The following LEF1 variants were observed in gnomAD, a reference collection of about 807,000 sequenced individuals.
LEF1 encodes lymphoid enhancer-binding factor 1.
Under a neutral mutation model 51.2 loss-of-function variants are expected in LEF1, and 14 were observed. That is an observed-to-expected ratio of 0.27 (90% confidence interval 0.18 to 0.43). LEF1 has a LOEUF of 0.43. Among genes scored for constraint, LEF1 ranks in the 20% least tolerant of loss-of-function variants. LEF1 has a pLI of 1.00. For synonymous variants in LEF1, 185 were observed against 183.2 expected (o/e 1.01, Z -0.08); for missense variants, 386 against 512.0 (o/e 0.75, Z 2.37).
intron 3 of LEF1, among the ~76,000 whole-genome samples, chr4:108,147,489 A>C (rs1423604150): frequency 1.3e-5 from 2 of 152,212 alleles, no homozygotes; most frequent in Non-Finnish European, 2.9e-5. Flanking sequence ...CTTAGGAGGA[A>C]ATATTTCTTT....
intron 8 of LEF1, among the ~76,000 whole-genome samples, chr4:108,075,953 C>T (rs1738826215): frequency 6.6e-6 from 1 of 152,226 alleles, no homozygotes; most frequent in South Asian, 2.1e-4. Flanking sequence ...TAGAACAGCT[C>T]TGCTTCTGTC....
In LEF1 at chr4:108,098,323, CGGGGTTGTGGGGGT is replaced by C. The variant is rs1740523527; in HGVS notation, c.415-9080_415-9067del. On this transcript the variant is annotated intron_variant, in intron 3 of 11. Transcript: ENST00000265165. ...GAAATGGACTCTAGATCTCCTGTGG[CGGGGTTGTGGGGGT>C]GGGGTTCGGCAAGCTACAGTCTGCC... Among the ~76,000 whole-genome samples the C allele has an allele frequency of 2.0e-5, 3 of 152,186 alleles. No homozygotes were observed. In the South Asian group the frequency reaches 6.2e-4, roughly 32 times the overall value.
At chr4:108,084,924 G>GT (rs899521093) in intron 4 of LEF1, among the ~76,000 whole-genome samples, 13 of 152,184 alleles carry the variant, frequency 8.5e-5, no homozygotes, top group African/African-American at 2.9e-4. Flanking sequence ...CTCACGGTCT[G>GT]TAAGGGGATG....
intron 3 of LEF1, among the ~76,000 whole-genome samples, chr4:108,133,759 C>T (rs1291993637): frequency 6.6e-6 from 1 of 152,148 alleles, no homozygotes; most frequent in African/African-American, 2.4e-5. Flanking sequence ...TTGATAACAT[C>T]CTTAATAGAT....
At chr4:108,053,671 C>G (rs962537853) in intron 11 of LEF1, among the ~76,000 whole-genome samples, 22 of 152,190 alleles carry the variant, frequency 1.4e-4, no homozygotes, top group African/African-American at 4.8e-4. Flanking sequence ...TCAGCCTAGC[C>G]CTCTGTGTTT....
chr4:108,164,719 T>C (rs1429494342), intron 2 of LEF1, among the ~76,000 whole-genome samples: 1 of 152,188 alleles, frequency 6.6e-6, no homozygotes, highest in Non-Finnish European at 1.5e-5. Context: ...CACTCAAAAC[T>C]ATTCTGGTTG....
chr4:108,070,786 AG>A lies in LEF1; in HGVS notation c.1009-17del, dbSNP rs779619674. ...GGGCATGCCACTAAAACAGAGAGGAAGGAAGAAAAAAACAAAAGTAAGCAAA... is the reference window on the plus strand; with the variant it reads ...GGGCATGCCACTAAAACAGAGAGGAAGAAGAAAAAAACAAAAGTAAGCAAA... On this transcript the variant is annotated splice_polypyrimidine_tract_variant and intron_variant, in intron 8 of 11. Transcript: ENST00000265165. 12 of 1,573,174 alleles carry A rather than the reference AG, an allele frequency of 7.6e-6. No individual in the cohort carries two copies. The East Asian group carries it at 2.7e-4, about 35-fold the overall frequency.
At chr4:108,093,431 A>G (rs1740184901) in intron 3 of LEF1, among the ~76,000 whole-genome samples, 1 of 152,170 alleles carries the variant, frequency 6.6e-6, no homozygotes, top group Admixed American at 6.5e-5. Context: ...GAGAGAGGGT[A>G]AAAATCACCT....
At chr4:108,051,139 C>T (rs2084538376) in intron 11 of LEF1, among the ~76,000 whole-genome samples, 1 of 152,156 alleles carries the variant, frequency 6.6e-6, no homozygotes, top group Non-Finnish European at 1.5e-5. Flanking sequence ...TCACATTTTC[C>T]CACCTGTTAT....
intron 3 of LEF1, among the ~76,000 whole-genome samples, chr4:108,114,834 G>A (rs1187164790): frequency 6.6e-6 from 1 of 152,182 alleles, no homozygotes; most frequent in East Asian, 1.9e-4. Context: ...TGTTATAAAT[G>A]GAACAGCCGG....
intron 3 of LEF1, among the ~76,000 whole-genome samples, chr4:108,110,976 T>C (rs1207562484): frequency 3.3e-5 from 5 of 152,176 alleles, no homozygotes; most frequent in African/African-American, 7.2e-5. Context: ...GGATGAAAGA[T>C]AGGTAAACTA....
intron 9 of LEF1, among the ~76,000 whole-genome samples, chr4:108,069,515 G>A (rs755271561): frequency 4.5e-4 from 68 of 152,276 alleles, no homozygotes; most frequent in Admixed American, 9.2e-4. Flanking sequence ...AATAGAATAT[G>A]TGATAGATGC....
intron 3 of LEF1, among the ~76,000 whole-genome samples, chr4:108,152,582 T>C (rs1284521654): frequency 6.6e-6 from 1 of 152,254 alleles, no homozygotes; most frequent in Non-Finnish European, 1.5e-5. Flanking sequence ...CACTGCTTTC[T>C]GGGTGTGAGA....
chr4:108,075,834 A>G (rs1325813465), intron 8 of LEF1, among the ~76,000 whole-genome samples: 1 of 152,224 alleles, frequency 6.6e-6, no homozygotes, highest in Non-Finnish European at 1.5e-5. Flanking sequence ...TGAAAAGAAA[A>G]GGGCAACCCA....
intron 11 of LEF1, among the ~76,000 whole-genome samples, chr4:108,062,785 A>G (rs543031194): frequency 6.2e-4 from 94 of 152,210 alleles, no homozygotes; most frequent in Non-Finnish European, 9.0e-4. Flanking sequence ...AAAAGGCTCA[A>G]GACAGACCCC....
intron 3 of LEF1, among the ~76,000 whole-genome samples, chr4:108,132,836 T>A (rs1742988790): frequency 6.6e-6 from 1 of 151,168 alleles, no homozygotes. Context: ...ACCCACCTAA[T>A]TTTTTGTATT....
intron 9 of LEF1, among the ~76,000 whole-genome samples, chr4:108,065,723 T>A (rs1003380466): frequency 1.3e-5 from 2 of 152,168 alleles, no homozygotes; most frequent in African/African-American, 4.8e-5. Context: ...TTTAAAAAAA[T>A]TATTTGTTAA....
At chr4:108,057,529 C>T (rs542845468) in intron 11 of LEF1, among the ~76,000 whole-genome samples, 2 of 152,224 alleles carry the variant, frequency 1.3e-5, no homozygotes, top group African/African-American at 4.8e-5. Flanking sequence ...GAGGACAGGG[C>T]TAAATGTTGG....
At chr4:108,100,902 T>G (rs1317579782) in intron 3 of LEF1, among the ~76,000 whole-genome samples, 1 of 152,254 alleles carries the variant, frequency 6.6e-6, no homozygotes. Flanking sequence ...AATCTTGATC[T>G]CTGTCTGAAA....
Sources: gnomAD v4.1 joint callset for allele counts (sites outside exome capture counted in the v4.1 genomes callset) on GRCh38, gnomAD v4.1.1 for gene constraint, MANE v1.5 for transcripts, NCBI Gene and HGNC (gene_info 2026-07-23, HGNC 2026-07-21) for gene names.